Variants in PRR5 observed in about 807,000 individuals in gnomAD.
The protein encoded by PRR5 is proline-rich protein 5.
A neutral mutation model predicts 30.6 loss-of-function variants in PRR5; 25 were observed. The observed-to-expected ratio is 0.82, with a 90% CI of 0.60 to 1.14. The LOEUF is 1.14. Among genes scored for constraint, PRR5 ranks in the 50% most tolerant of loss-of-function variants. PRR5 has a pLI of 0.00. For missense variants in PRR5, 600 were observed against 547.1 expected (o/e 1.10, Z -0.96); for synonymous variants, 286 against 247.1 (o/e 1.16, Z -1.48).
At chr22:44,690,533 G>T (rs971955286) in intron 1 of PRR5, among the ~76,000 whole-genome samples, 1 of 152,084 alleles carries the variant, frequency 6.6e-6, no homozygotes, top group Non-Finnish European at 1.5e-5. Flanking sequence ...CTGTGAATAC[G>T]TTTAGAGCCT....
At chr22:44,716,708 A>C (rs895591375) in intron 2 of PRR5, among the ~76,000 whole-genome samples, 15 of 152,202 alleles carry the variant, frequency 9.9e-5, no homozygotes, top group African/African-American at 3.4e-4. Flanking sequence ...CATCAGGGCC[A>C]CTGGGTTGTT....
chr22:44,725,253 G>A lies in PRR5; in HGVS notation c.225G>A (p.Leu75=), dbSNP rs1463117479. 1.2e-6 allele frequency: 2 copies of A among 1,613,918 alleles called. No homozygotes were observed. Among genetic ancestry groups the A allele is most frequent in the Non-Finnish European group, 1.7e-6 (2 of 1,179,980 alleles). ...FSLNEGVRQL[L]KTELGSFFTE... is the part of the protein sequence containing the mutation. Reference sequence around the variant, plus strand: ...CACCTCCCACCCACAGGCAGCTGTTGAAGACAGAGCTGGGGTCCTTCTTCA... The same window carrying A: ...CACCTCCCACCCACAGGCAGCTGTTAAAGACAGAGCTGGGGTCCTTCTTCA... Residue 75 remains leucine (L), a synonymous_variant, in exon 3 of 8, where the codon TTG becomes TTA. Coordinates refer to ENST00000336985, the MANE Select transcript of PRR5 (RefSeq NM_181333.4).
upstream of PRR5, among the ~76,000 whole-genome samples, chr22:44,674,504 C>T (rs1361564399): frequency 6.6e-6 from 1 of 151,872 alleles, no homozygotes; most frequent in African/African-American, 2.4e-5. Context: ...GGGCGGATCA[C>T]GAGGTCAGGA....
chr22:44,737,476 C>G lies in PRR5; in HGVS notation c.*229C>G. ...ATCTGAGTCGGCGTTTACCCAGGGG[C>G]CGGGCCAGAGACGGGGGTCGGCCGC... On this transcript the variant is annotated 3_prime_UTR_variant, in exon 8 of 8. Transcript: ENST00000336985. 1 of 908,912 alleles carries G rather than the reference C, an allele frequency of 1.1e-6. No individual in the cohort carries two copies. Among genetic ancestry groups the G allele is most frequent in the Non-Finnish European group, 1.6e-6 (1 of 644,990 alleles). The allele number at this position is 908,912 out of a possible 1,614,324, so 56.3% of individuals were successfully genotyped here.
chr22:44,732,951 A>ATACAC (rs1257162269), intron 6 of PRR5, among the ~76,000 whole-genome samples: 3 of 149,602 alleles, frequency 2.0e-5, no homozygotes, highest in Admixed American at 2.0e-4. Context: ...ACGTGTGCAC[A>ATACAC]CATACGCGTG....
intron 1 of PRR5, among the ~76,000 whole-genome samples, chr22:44,692,248 G>C (rs1925314115): frequency 7.5e-6 from 1 of 133,178 alleles, no homozygotes; most frequent in Non-Finnish European, 1.6e-5. Flanking sequence ...CCTCCACCCA[G>C]GGCTCCTCCT....
At position 44,709,838 on chromosome 22, in the gene PRR5, C is replaced by T. The variant is rs139501925; in HGVS notation, c.135-4753C>T. 4.2e-3 allele frequency among the ~76,000 whole-genome samples: 640 copies of T among 152,092 alleles called. 4 individuals are homozygous for T. The highest frequency in any genetic ancestry group is 0.017 in the Admixed American group (257 of 15,290). On this transcript the variant is annotated intron_variant, in intron 1 of 7. Coordinates refer to ENST00000336985, the MANE Select transcript of PRR5 (RefSeq NM_181333.4). ...CTGCACTCCAGCCTAGGTGACAGAACGAGACTCCATCTCAAAAAAACAAAC... is the reference window on the plus strand; with the variant it reads ...CTGCACTCCAGCCTAGGTGACAGAATGAGACTCCATCTCAAAAAAACAAAC...
chr22:44,701,904 G>C (rs1926337254), upstream of PRR5, among the ~76,000 whole-genome samples: 1 of 151,942 alleles, frequency 6.6e-6, no homozygotes, highest in South Asian at 2.1e-4. Flanking sequence ...ACATCGTGTG[G>C]GCGCGACCGC....
chr22:44,737,477 C>T lies in PRR5; in HGVS notation c.*230C>T, dbSNP rs116475404. On this transcript the variant is annotated 3_prime_UTR_variant, in exon 8 of 8. Coordinates refer to ENST00000336985, the MANE Select transcript of PRR5 (RefSeq NM_181333.4). ...TCTGAGTCGGCGTTTACCCAGGGGC[C>T]GGGCCAGAGACGGGGGTCGGCCGCT... The T allele has an allele frequency of 1.1e-4, 97 of 897,242 alleles. No individual in the cohort carries two copies. The African/African-American group carries it at 1.1e-3, about 10-fold the overall frequency. The allele number at this position is 897,242 out of a possible 1,614,324, so 55.6% of individuals were successfully genotyped here.
At chr22:44,683,865 C>A (rs1924504370) in intron 1 of PRR5, among the ~76,000 whole-genome samples, 1 of 152,282 alleles carries the variant, frequency 6.6e-6, no homozygotes, top group East Asian at 1.9e-4. Context: ...GGATGAACAA[C>A]TGTGTCCACC....
chr22:44,732,667 G>A (rs565835049), intron 6 of PRR5, among the ~76,000 whole-genome samples: 37 of 152,256 alleles, frequency 2.4e-4, no homozygotes, highest in African/African-American at 7.9e-4. Flanking sequence ...CCCCCAGCAC[G>A]CACACGCACA....
intron 4 of PRR5, chr22:44,730,592 C>G: frequency 1.0e-6 from 1 of 990,994 alleles, no homozygotes; most frequent in Non-Finnish European, 1.2e-6. Context: ...ATGTCTGCTA[C>G]CTACGTATCT....
At chr22:44,707,373 G>A (rs1018969298) in intron 1 of PRR5, among the ~76,000 whole-genome samples, 10 of 152,214 alleles carry the variant, frequency 6.6e-5, no homozygotes, top group African/African-American at 4.8e-5. Flanking sequence ...GGGCCTGCAC[G>A]CCAGCCTCAG....
chr22:44,718,186 ATC>A (rs961199334), intron 2 of PRR5, among the ~76,000 whole-genome samples: 5 of 107,866 alleles, frequency 4.6e-5, no homozygotes, highest in Non-Finnish European at 9.2e-5. Flanking sequence ...GCACGTTTTC[ATC>A]TCTCTTTTTT....
chr22:44,700,619 G>A (rs1226901684), upstream of PRR5, among the ~76,000 whole-genome samples: 1 of 152,204 alleles, frequency 6.6e-6, no homozygotes, highest in Non-Finnish European at 1.5e-5. Context: ...GTGAGACTCT[G>A]TCTCAAAAAG....
chr22:44,702,164 G>T (rs1171110464), upstream of PRR5: 1 of 501,148 alleles, frequency 2.0e-6, no homozygotes, highest in Non-Finnish European at 2.6e-6. Context: ...CCCCCGGGGC[G>T]CCGAGACCCG....
rs147977148 is a variant in PRR5, at chr22:44,729,909, G to A, written c.323-1821G>A. ...GAGCTGCCTTTCTTCCTGCCGCGGC[G>A]GAGGGGGACTGAAGGGACTTTGTGT... On this transcript the variant is annotated intron_variant, in intron 4 of 7. Transcript: ENST00000336985. The A allele has an allele frequency of 1.4e-3, 1,424 of 985,486 alleles. 11 individuals are homozygous for A. The highest frequency in any genetic ancestry group is 1.7e-3 in the South Asian group (37 of 21,292). 61.0% of individuals were successfully genotyped at this position (985,486 alleles called of 1,614,324 possible). A position where few individuals can be genotyped will look rare whatever the true frequency, so the allele number is the denominator to read the frequency against.
chr22:44,730,794 A>G, intron 4 of PRR5: 1 of 597,138 alleles, frequency 1.7e-6, no homozygotes, highest in South Asian at 2.6e-5. Flanking sequence ...CCACAGGCAG[A>G]GCTGGCCTGG....
chr22:44,720,978 G>A (rs1374635966), intron 2 of PRR5, among the ~76,000 whole-genome samples: 1 of 152,154 alleles, frequency 6.6e-6, no homozygotes, highest in African/African-American at 2.4e-5. Flanking sequence ...TGGTCCTGAA[G>A]GAGGCATTCA....
Sources: gnomAD v4.1 joint callset for allele counts (sites outside exome capture counted in the v4.1 genomes callset) on GRCh38, gnomAD v4.1.1 for gene constraint, MANE v1.5 for transcripts, NCBI Gene and HGNC (gene_info 2026-07-23, HGNC 2026-07-21) for gene names.